The following IL1RAPL2 variants were observed in gnomAD, a reference collection of about 807,000 sequenced individuals.
IL1RAPL2 encodes X-linked interleukin-1 receptor accessory protein-like 2.
A neutral mutation model predicts 44.1 loss-of-function variants in IL1RAPL2; 3 were observed. The ratio of observed to expected loss-of-function variants is 0.07; its 90% CI spans 0.03 to 0.18. IL1RAPL2 has a LOEUF of 0.18. Ranked by LOEUF, IL1RAPL2 falls within the 10% of genes least tolerant of loss-of-function variation. IL1RAPL2 has a pLI of 1.00. For synonymous variants in IL1RAPL2, 181 were observed against 178.8 expected (o/e 1.01, Z -0.10); for missense variants, 391 against 496.4 (o/e 0.79, Z 2.02).
At position 104,849,702 on chromosome X, in the gene IL1RAPL2, G is replaced by A. The variant is rs775914407; in HGVS notation, c.82+190707G>A. On this transcript the variant is annotated intron_variant, in intron 2 of 10. Transcript: ENST00000372582. Reference sequence around the variant, plus strand: ...AGATAAGTATAATCTTGTCTAAAAAGTAAACCCAAAAATAATATGTTGACA... The same window carrying A: ...AGATAAGTATAATCTTGTCTAAAAAATAAACCCAAAAATAATATGTTGACA... 1.2e-4 allele frequency among the ~76,000 whole-genome samples: 13 copies of A among 110,031 alleles called. No homozygotes were observed. The East Asian group carries it at 3.2e-3, about 27-fold the overall frequency.
chrX:105,506,805 C>T (rs764634292), intron 6 of IL1RAPL2, among the ~76,000 whole-genome samples: 2 of 111,678 alleles, frequency 1.8e-5, no homozygotes, highest in African/African-American at 6.5e-5. Flanking sequence ...TCTGGTCCAT[C>T]GACATTGTTT....
chrX:105,172,109 A>G (rs2033429057), intron 2 of IL1RAPL2, among the ~76,000 whole-genome samples: 1 of 112,323 alleles, frequency 8.9e-6, no homozygotes, highest in African/African-American at 3.2e-5. Flanking sequence ...AAAGGGTTTG[A>G]ACAGAGCAAA....
At chrX:105,241,628 A>C (rs1338900567) in intron 4 of IL1RAPL2, among the ~76,000 whole-genome samples, 1 of 111,798 alleles carries the variant, frequency 8.9e-6, no homozygotes, top group Non-Finnish European at 1.9e-5. Context: ...CCCATTACAA[A>C]TTTTCATTAA....
At chrX:104,903,448 A>C (rs1402535440) in intron 2 of IL1RAPL2, among the ~76,000 whole-genome samples, 1 of 109,525 alleles carries the variant, frequency 9.1e-6, no homozygotes, top group African/African-American at 3.3e-5. Context: ...CACCATAGTA[A>C]AAAAAAAAAT....
chrX:105,009,236 A>G (rs190405424), intron 2 of IL1RAPL2, among the ~76,000 whole-genome samples: 32 of 111,488 alleles, frequency 2.9e-4, no homozygotes, highest in African/African-American at 9.1e-4. Context: ...TGACCCAGCA[A>G]TCCCGTTACT....
intron 2 of IL1RAPL2, among the ~76,000 whole-genome samples, chrX:104,865,912 T>C (rs1922602533): frequency 8.9e-6 from 1 of 112,331 alleles, no homozygotes; most frequent in South Asian, 3.7e-4. Context: ...GGATTTCACC[T>C]TGTGATCCTG....
At chrX:104,588,087 T>C (rs998576266) in intron 1 of IL1RAPL2, among the ~76,000 whole-genome samples, 12 of 111,929 alleles carry the variant, frequency 1.1e-4, no homozygotes, top group Non-Finnish European at 2.3e-4. Flanking sequence ...TCTTAGCCCA[T>C]GCTGCGTATC....
At chrX:105,387,467 T>G (rs1322163160) in intron 5 of IL1RAPL2, among the ~76,000 whole-genome samples, 1 of 110,178 alleles carries the variant, frequency 9.1e-6, no homozygotes, top group East Asian at 2.9e-4. Context: ...ACTCTTGACC[T>G]GGTGATCCAC....
chrX:105,185,623 T>G (rs2147607589), intron 2 of IL1RAPL2, among the ~76,000 whole-genome samples: 1 of 111,602 alleles, frequency 9.0e-6, no homozygotes, highest in Admixed American at 9.6e-5. Context: ...TAACTCAGAT[T>G]TTCTGATCTC....
At chrX:104,968,742 C>T (rs747440690) in intron 2 of IL1RAPL2, among the ~76,000 whole-genome samples, 11 of 110,299 alleles carry the variant, frequency 1.0e-4, no homozygotes, top group Non-Finnish European at 1.7e-4. Context: ...GGAAAAAAAC[C>T]GCGTATAATT....
intron 2 of IL1RAPL2, among the ~76,000 whole-genome samples, chrX:104,942,194 G>T (rs1453838073): frequency 3.6e-5 from 4 of 111,697 alleles, no homozygotes; most frequent in Non-Finnish European, 7.5e-5. Context: ...TTCTTTTTTG[G>T]TTCCATATGA....
intron 2 of IL1RAPL2, among the ~76,000 whole-genome samples, chrX:104,762,022 G>T (rs1411626260): frequency 2.1e-5 from 2 of 97,455 alleles, no homozygotes; most frequent in African/African-American, 7.5e-5. Context: ...TTTTGAGACA[G>T]AGTCTCACTC....
chrX:105,323,604 G>A (rs1033074416), intron 5 of IL1RAPL2, among the ~76,000 whole-genome samples: 24 of 111,708 alleles, frequency 2.1e-4, no homozygotes, highest in African/African-American at 7.5e-4. Context: ...AGCCAGGCGC[G>A]GTGGCTCATG....
intron 6 of IL1RAPL2, among the ~76,000 whole-genome samples, chrX:105,677,359 G>T (rs1391124667): frequency 9.0e-6 from 1 of 111,640 alleles, no homozygotes; most frequent in Non-Finnish European, 1.9e-5. Flanking sequence ...TATTCAATAA[G>T]CATCTATATA....
At chrX:105,169,908 T>C (rs1199947544) in intron 2 of IL1RAPL2, among the ~76,000 whole-genome samples, 1 of 101,465 alleles carries the variant, frequency 9.9e-6, no homozygotes, top group African/African-American at 4.5e-5. Context: ...GTTCTGCTTG[T>C]TCCTCCTATA....
intron 6 of IL1RAPL2, among the ~76,000 whole-genome samples, chrX:105,689,068 T>C (rs1054953925): frequency 9.0e-6 from 1 of 111,665 alleles, no homozygotes; most frequent in African/African-American, 3.3e-5. Context: ...ATACAAAAAT[T>C]AATTCAAGAT....
At chrX:104,998,147 G>A (rs2030781747) in intron 2 of IL1RAPL2, among the ~76,000 whole-genome samples, 1 of 111,458 alleles carries the variant, frequency 9.0e-6, no homozygotes, top group South Asian at 3.8e-4. Context: ...TGAGTTACAG[G>A]TTAAAAAGGA....
intron 5 of IL1RAPL2, among the ~76,000 whole-genome samples, chrX:105,367,642 C>A (rs1024019240): frequency 9.0e-6 from 1 of 111,554 alleles, no homozygotes; most frequent in South Asian, 3.7e-4. Context: ...ACGTTTTATG[C>A]CTTCCCACAC....
intron 5 of IL1RAPL2, among the ~76,000 whole-genome samples, chrX:105,281,832 T>C (rs1363729625): frequency 9.0e-6 from 1 of 111,630 alleles, no homozygotes; most frequent in African/African-American, 3.3e-5. Flanking sequence ...TTCATGACTA[T>C]ATTATAATTA....
Sources: allele counts gnomAD v4.1 joint callset (sites outside exome capture counted in the v4.1 genomes callset), GRCh38; gene constraint gnomAD v4.1.1; transcripts MANE v1.5; gene names NCBI Gene and HGNC (gene_info 2026-07-23, HGNC 2026-07-21).